Variants in COL4A1 observed in about 807,000 individuals in gnomAD.
COL4A1 encodes the protein collagen alpha-1(IV) chain.
Under a neutral mutation model 216.6 loss-of-function variants are expected in COL4A1, and 40 were observed. The observed-to-expected ratio is 0.18, with a 90% CI of 0.14 to 0.24. The LOEUF is 0.24. Among genes scored for constraint, COL4A1 ranks in the 10% least tolerant of loss-of-function variants. The pLI, the probability that COL4A1 is intolerant of heterozygous loss-of-function variation, is 1.00. For synonymous variants in COL4A1, 839 were observed against 810.7 expected, an observed-to-expected ratio of 1.03 and a Z score of -0.59; for missense variants, 1,628 against 2,196.8, an observed-to-expected ratio of 0.74 and a Z score of 5.18.
At chr13:110,176,181 C>T (rs1877877276) in intron 36 of COL4A1, among the ~76,000 whole-genome samples, 1 of 152,232 alleles carries the variant, frequency 6.6e-6, no homozygotes, top group Non-Finnish European at 1.5e-5. Flanking sequence ...CAAAAGTTGA[C>T]TGTATACAGC....
At chr13:110,274,740 A>T (rs1883370741) in intron 1 of COL4A1, among the ~76,000 whole-genome samples, 1 of 152,182 alleles carries the variant, frequency 6.6e-6, no homozygotes, top group Non-Finnish European at 1.5e-5. Context: ...TGAGATCATA[A>T]CATTGTATAG....
At chr13:110,261,035 TCAAAAAA>T (rs1264158659) in intron 1 of COL4A1, among the ~76,000 whole-genome samples, 2 of 42,184 alleles carry the variant, frequency 4.7e-5, no homozygotes, top group East Asian at 5.8e-4. Flanking sequence ...AGACTCCGTC[TCAAAAAA>T]AAAAAAAAAA....
chr13:110,295,054 C>T (rs1884217031), intron 1 of COL4A1, among the ~76,000 whole-genome samples: 1 of 152,088 alleles, frequency 6.6e-6, no homozygotes, highest in Non-Finnish European at 1.5e-5. Context: ...ATACAAAAGC[C>T]ATAATGTCCT....
chr13:110,301,370 C>T (rs6492255), intron 1 of COL4A1, among the ~76,000 whole-genome samples: 16,272 of 152,236 alleles, frequency 0.11, 1,241 homozygotes, highest in African/African-American at 0.21. Context: ...AAGTTATGTC[C>T]TGGCAAGTGT....
intron 36 of COL4A1, 108 bp downstream of exon 36, chr13:110,176,316 G>A (rs1009341285): frequency 5.1e-5 from 40 of 789,210 alleles, no homozygotes; most frequent in East Asian, 2.0e-4. Flanking sequence ...AAAGACACAC[G>A]TGCCTGGATT....
At chr13:110,196,892 T>G (rs547108493) in intron 21 of COL4A1, among the ~76,000 whole-genome samples, 1 of 152,328 alleles carries the variant, frequency 6.6e-6, no homozygotes, top group East Asian at 1.9e-4. Context: ...TAACATACAT[T>G]ATAAATCTTA....
chr13:110,286,050 C>T (rs770475740), intron 1 of COL4A1, among the ~76,000 whole-genome samples: 4 of 152,152 alleles, frequency 2.6e-5, no homozygotes, highest in Non-Finnish European at 5.9e-5. Flanking sequence ...ACATCGGCTC[C>T]CTGATATGAG....
intron 49 of COL4A1, among the ~76,000 whole-genome samples, chr13:110,160,030 TGA>T (rs1876995694): frequency 6.6e-6 from 1 of 152,064 alleles, no homozygotes. Flanking sequence ...CGGATGGCGG[TGA>T]TGGTAAAACA....
chr13:110,194,413 C>G (rs1312278923), intron 22 of COL4A1, among the ~76,000 whole-genome samples: 3 of 152,094 alleles, frequency 2.0e-5, no homozygotes, highest in Non-Finnish European at 4.4e-5. Flanking sequence ...TGCTTATTCC[C>G]CTCTAAGGCA....
At chr13:110,155,908 G>A (rs911681593) in intron 49 of COL4A1, among the ~76,000 whole-genome samples, 9 of 151,930 alleles carry the variant, frequency 5.9e-5, no homozygotes, top group South Asian at 2.1e-4. Context: ...GTGAAACTCC[G>A]TCTCAAAAAA....
chr13:110,232,505 T>C (rs997568694), intron 2 of COL4A1, among the ~76,000 whole-genome samples: 2 of 152,218 alleles, frequency 1.3e-5, no homozygotes, highest in Non-Finnish European at 2.9e-5. Context: ...CAGTTTTCAT[T>C]TGTCAGGGTT....
chr13:110,236,358 T>G (rs572564060), intron 2 of COL4A1, among the ~76,000 whole-genome samples: 1 of 152,364 alleles, frequency 6.6e-6, no homozygotes, highest in African/African-American at 2.4e-5. Context: ...CTTCTTATTT[T>G]GTATGTCCTT....
intron 20 of COL4A1, among the ~76,000 whole-genome samples, chr13:110,200,069 G>A (rs1032407669): frequency 1.6e-4 from 25 of 152,264 alleles, no homozygotes; most frequent in African/African-American, 5.1e-4. Context: ...AATAATAAAC[G>A]GGGATAAAAA....
intron 11 of COL4A1, 125 bp downstream of exon 11, chr13:110,209,267 G>A: frequency 2.6e-6 from 2 of 762,272 alleles, no homozygotes; most frequent in Non-Finnish European, 4.5e-6. Flanking sequence ...TAAAGGTATA[G>A]TTAGATATAG....
chr13:110,175,817 T>C (rs1877855356), intron 36 of COL4A1, among the ~76,000 whole-genome samples: 1 of 152,124 alleles, frequency 6.6e-6, no homozygotes, highest in Non-Finnish European at 1.5e-5. Context: ...TGACCAGCAA[T>C]CTAGATGCTT....
intron 1 of COL4A1, among the ~76,000 whole-genome samples, chr13:110,259,938 G>A (rs993365673): frequency 2.6e-5 from 4 of 152,128 alleles, no homozygotes; most frequent in Admixed American, 1.3e-4. Flanking sequence ...CCTTCTTTAC[G>A]TAATGGATGT....
intron 1 of COL4A1, among the ~76,000 whole-genome samples, chr13:110,253,315 A>G (rs1251890641): frequency 2.7e-5 from 1 of 36,592 alleles, no homozygotes; most frequent in Non-Finnish European, 8.1e-5. Flanking sequence ...TATGTATTAC[A>G]TATACATATA....
intron 1 of COL4A1, among the ~76,000 whole-genome samples, chr13:110,266,452 ATG>A (rs1332354836): frequency 6.6e-6 from 1 of 152,192 alleles, no homozygotes; most frequent in Non-Finnish European, 1.5e-5. Flanking sequence ...GCTAGCAGAA[ATG>A]TGGCCACGGA....
At chr13:110,298,631 C>G (rs1884368912) in intron 1 of COL4A1, 1 of 152,244 alleles carries the variant, frequency 6.6e-6, no homozygotes, top group Non-Finnish European at 1.5e-5. Context: ...TCTCTAGAAA[C>G]CGGATTTGGC....
Sources: gnomAD v4.1 joint callset for allele counts (sites outside exome capture counted in the v4.1 genomes callset) on GRCh38, gnomAD v4.1.1 for gene constraint, MANE v1.5 for transcripts, NCBI Gene and HGNC (gene_info 2026-07-23, HGNC 2026-07-21) for gene names.